The following COMMD1 variants were observed in gnomAD, a reference collection of about 807,000 sequenced individuals.
The protein encoded by COMMD1 is COMM domain-containing protein 1.
Under a neutral mutation model 17.2 loss-of-function variants are expected in COMMD1, and 10 were observed. The observed-to-expected ratio is 0.58, with a 90% CI of 0.36 to 0.99. COMMD1 has a LOEUF of 0.99. Ranked by LOEUF, COMMD1 falls within the 50% of genes least tolerant of loss-of-function variation. The probability of loss-of-function intolerance (pLI) is 0.01; values close to 1 mark genes in which losing one functional copy is unlikely to be tolerated. For synonymous variants in COMMD1, 97 were observed against 91.6 expected (o/e 1.06, Z -0.34); for missense variants, 270 against 231.8 (o/e 1.17, Z -1.07).
chr2:62,033,824 A>G (rs1321263232), intron 2 of COMMD1, among the ~76,000 whole-genome samples: 1 of 151,838 alleles, frequency 6.6e-6, no homozygotes, highest in Non-Finnish European at 1.5e-5. Context: ...AATATATCAA[A>G]AGAGGCTGGA....
chr2:62,062,143 A>T (rs1442698554), intron 2 of COMMD1, among the ~76,000 whole-genome samples: 2 of 151,902 alleles, frequency 1.3e-5, no homozygotes, highest in African/African-American at 2.4e-5. Context: ...ACTCTTTCTA[A>T]CCTTGATTTT....
intron 2 of COMMD1, among the ~76,000 whole-genome samples, chr2:62,125,402 T>TGCAACTAATCTGCAAAG (rs1672859651): frequency 6.6e-6 from 1 of 152,252 alleles, no homozygotes; most frequent in African/African-American, 2.4e-5. Flanking sequence ...AGTCCTAGAC[T>TGCAACTAATCTGCAAAG]GACTGATGTC....
chr2:62,109,946 G>A (rs994205297), intron 2 of COMMD1, among the ~76,000 whole-genome samples: 1 of 82,008 alleles, frequency 1.2e-5, no homozygotes, highest in African/African-American at 5.7e-5. Flanking sequence ...TTTTTTTTTG[G>A]TAGAGATGTG....
At chr2:61,889,277 G>T (rs1468611525) in intron 1 of COMMD1, among the ~76,000 whole-genome samples, 1 of 127,736 alleles carries the variant, frequency 7.8e-6, no homozygotes, top group African/African-American at 3.0e-5. Flanking sequence ...GGCGATCTTG[G>T]CTCACTGCAG....
At chr2:62,132,994 C>T (rs889226507) in intron 2 of COMMD1, among the ~76,000 whole-genome samples, 1 of 152,222 alleles carries the variant, frequency 6.6e-6, no homozygotes, top group Non-Finnish European at 1.5e-5. Flanking sequence ...GAGATAACCC[C>T]TCCTAGAGCT....
rs1048549952 is a variant in COMMD1 at position 61,985,339 on chromosome 2, C to T, written c.181-15362C>T. On this transcript the variant is annotated intron_variant, in intron 1 of 2. Transcript: ENST00000311832. ...TGCTGGGATTACAGGCATGAGCCAC[C>T]GCACCCGGCCCTATGTGTGTCTTTA... is the stretch of plus-strand genomic sequence containing the variant. Among the ~76,000 whole-genome samples, 36 of 152,248 alleles carry T rather than the reference C, an allele frequency of 2.4e-4. No individual in the cohort carries two copies. In the East Asian group the frequency reaches 2.5e-3, roughly 11 times the overall value.
chr2:62,054,657 T>G (rs1670637076), intron 2 of COMMD1, among the ~76,000 whole-genome samples: 1 of 151,852 alleles, frequency 6.6e-6, no homozygotes, highest in African/African-American at 2.4e-5. Context: ...GAAAAAAATG[T>G]GTTCAGGTGA....
chr2:61,993,900 A>G (rs1668670899), intron 1 of COMMD1, among the ~76,000 whole-genome samples: 1 of 152,214 alleles, frequency 6.6e-6, no homozygotes, highest in African/African-American at 2.4e-5. Context: ...GTGACATAAT[A>G]TTGTGAAGCA....
chr2:61,957,509 G>A (rs550483440), intron 1 of COMMD1, among the ~76,000 whole-genome samples: 1 of 152,142 alleles, frequency 6.6e-6, no homozygotes, highest in South Asian at 2.1e-4. Flanking sequence ...CTCAGTTTTT[G>A]GATTGACCCC....
intron 1 of COMMD1, among the ~76,000 whole-genome samples, chr2:61,961,635 A>C (rs1028543466): frequency 6.6e-6 from 1 of 152,152 alleles, no homozygotes; most frequent in African/African-American, 2.4e-5. Flanking sequence ...AATTTCCTCT[A>C]TACCATATTT....
chr2:61,995,853 G>T (rs781693815), intron 1 of COMMD1, among the ~76,000 whole-genome samples: 1 of 152,108 alleles, frequency 6.6e-6, no homozygotes, highest in Non-Finnish European at 1.5e-5. Flanking sequence ...GATTATGAGG[G>T]TCAAGTGCAG....
At chr2:62,027,240 T>A (rs1669784398) in intron 2 of COMMD1, among the ~76,000 whole-genome samples, 1 of 152,210 alleles carries the variant, frequency 6.6e-6, no homozygotes. Context: ...CATTCTATAT[T>A]ATGAGCTTGT....
intron 1 of COMMD1, among the ~76,000 whole-genome samples, chr2:62,000,492 A>C (rs1668898785): frequency 1.3e-5 from 2 of 151,784 alleles, no homozygotes; most frequent in African/African-American, 2.4e-5. Flanking sequence ...ACAGGGTTTC[A>C]CCATGTTGGC....
intron 2 of COMMD1, among the ~76,000 whole-genome samples, chr2:62,087,558 C>T (rs1671704194): frequency 6.6e-6 from 1 of 152,136 alleles, no homozygotes; most frequent in East Asian, 1.9e-4. Flanking sequence ...CCAGCCTGGC[C>T]AACATGACGA....
rs183144799 is a variant in COMMD1 at position 61,943,692 on chromosome 2, G to A, written c.180+37834G>A. 4.6e-5 allele frequency among the ~76,000 whole-genome samples: 7 copies of A among 152,166 alleles called. No individual in the cohort carries two copies. In the East Asian group the frequency reaches 9.7e-4, roughly 21 times the overall value. ...TCTACTAAAAATACAAAAATCAGCC[G>A]GGTGTGGTGGCACGCACCTGTAATC... On this transcript the variant is annotated intron_variant, in intron 1 of 2. Transcript: ENST00000311832.
At chr2:62,035,884 T>TC (rs1450062312) in intron 2 of COMMD1, among the ~76,000 whole-genome samples, 1 of 151,474 alleles carries the variant, frequency 6.6e-6, no homozygotes, top group African/African-American at 2.4e-5. Flanking sequence ...AAACCCTGTC[T>TC]CTAAAAAAAA....
chr2:61,888,916 CT>C (rs1669340905), intron 1 of COMMD1: 2 of 78,566 alleles, frequency 2.5e-5, no homozygotes, highest in South Asian at 2.7e-4. Flanking sequence ...TTTTTTTTTT[CT>C]TTTTTTGGAT....
At chr2:62,032,091 A>G (rs1669923110) in intron 2 of COMMD1, among the ~76,000 whole-genome samples, 1 of 152,196 alleles carries the variant, frequency 6.6e-6, no homozygotes, top group Admixed American at 6.5e-5. Flanking sequence ...TGAGTATAAA[A>G]TTGTGTGTTA....
At chr2:62,062,970 G>A (rs1670908563) in intron 2 of COMMD1, among the ~76,000 whole-genome samples, 1 of 151,878 alleles carries the variant, frequency 6.6e-6, no homozygotes, top group Admixed American at 6.6e-5. Context: ...TGTAATCCTA[G>A]CACTTTGGGA....
Sources: gnomAD v4.1 joint callset for allele counts (sites outside exome capture counted in the v4.1 genomes callset) on GRCh38, gnomAD v4.1.1 for gene constraint, MANE v1.5 for transcripts, NCBI Gene and HGNC (gene_info 2026-07-23, HGNC 2026-07-21) for gene names.